Variants in GRIN2B observed in about 807,000 individuals in gnomAD.
The protein encoded by GRIN2B is glutamate receptor ionotropic, NMDA 2B.
Under a neutral mutation model 114.5 loss-of-function variants are expected in GRIN2B, and 5 were observed. The ratio of observed to expected loss-of-function variants is 0.04; its 90% CI spans 0.02 to 0.09. The LOEUF (loss-of-function observed/expected upper bound fraction) is 0.09. GRIN2B is among the 10% of genes least tolerant of loss of function. GRIN2B has a pLI of 1.00. For synonymous variants in GRIN2B, 787 were observed against 745.1 expected, an observed-to-expected ratio of 1.06 and a Z score of -0.92; for missense variants, 1,108 against 1,943.5, an observed-to-expected ratio of 0.57 and a Z score of 8.08.
chr12:13,736,618 A>G (rs1421087204), intron 4 of GRIN2B, among the ~76,000 whole-genome samples: 1 of 152,214 alleles, frequency 6.6e-6, no homozygotes, highest in African/African-American at 2.4e-5. Context: ...AAAGCCAGCT[A>G]AACACATAAT....
rs1948460125 is a variant in GRIN2B at position 13,554,911 on chromosome 12, G to A, written c.*7872C>T. 6.6e-6 allele frequency: 1 copy of A among 152,146 alleles called. No individual in the cohort carries two copies. The highest frequency in any genetic ancestry group is 1.5e-5 in the Non-Finnish European group (1 of 68,018). 9.4% of individuals were successfully genotyped at this position (152,146 alleles called of 1,614,324 possible). A position where few individuals can be genotyped will look rare whatever the true frequency, so the allele number is the denominator to read the frequency against. On this transcript the variant is annotated 3_prime_UTR_variant, in exon 14 of 14. Coordinates refer to ENST00000609686, the MANE Select transcript of GRIN2B (RefSeq NM_000834.5). The stretch of plus-strand genomic sequence containing the variant: ...AAGGAGGAAGTTGGTGATTATGTTG[G>A]TTTGCAGCAATGGTTTTGGATATTT...
At chr12:13,627,515 T>A (rs1565482076) in intron 5 of GRIN2B, among the ~76,000 whole-genome samples, 1 of 152,148 alleles carries the variant, frequency 6.6e-6, no homozygotes, top group Non-Finnish European at 1.5e-5. Flanking sequence ...GTAGTGACAT[T>A]TATCATCGCC....
chr12:13,664,005 T>C (rs1431322031), intron 5 of GRIN2B, among the ~76,000 whole-genome samples: 1 of 152,182 alleles, frequency 6.6e-6, no homozygotes, highest in African/African-American at 2.4e-5. Context: ...ATAATCCCCA[T>C]TTTACAGATG....
Position 13,888,156 on chromosome 12 carries a change from G to A in GRIN2B, c.-18-21930C>T, listed in dbSNP as rs747352837. Among the ~76,000 whole-genome samples, 39 of 152,106 alleles carry A rather than the reference G, an allele frequency of 2.6e-4. 1 individual carries two copies. The highest frequency in any genetic ancestry group is 5.9e-4 in the Admixed American group (9 of 15,266). On this transcript the variant is annotated intron_variant, in intron 2 of 13. Transcript: ENST00000609686. The stretch of plus-strand genomic sequence containing the variant: ...GTTTAACCCAAAAAAATCAATATAC[G>A]GCCATGTATTGCTTAACAACGGGGA...
At chr12:13,699,145 G>A (rs994849863) in intron 4 of GRIN2B, among the ~76,000 whole-genome samples, 7 of 152,158 alleles carry the variant, frequency 4.6e-5, no homozygotes, top group African/African-American at 1.7e-4. Flanking sequence ...AAATACTTAT[G>A]TTAGGATGGT....
chr12:13,835,646 C>A (rs769552798), intron 3 of GRIN2B, among the ~76,000 whole-genome samples: 1 of 151,800 alleles, frequency 6.6e-6, no homozygotes, highest in African/African-American at 2.4e-5. Context: ...CAGGAAGGCA[C>A]CCCCTTTAGC....
chr12:13,912,001 T>C (rs1428589696), intron 2 of GRIN2B, among the ~76,000 whole-genome samples: 2 of 152,068 alleles, frequency 1.3e-5, no homozygotes, highest in African/African-American at 4.8e-5. Flanking sequence ...AATGAGTGAC[T>C]AGTGCGCACA....
Position 13,547,981 on chromosome 12 carries a change from A to ATATATATTTTT in GRIN2B, c.*14801_*14802insAAAAATATATA. 3 of 68,592 alleles carry ATATATATTTTT rather than the reference A, an allele frequency of 4.4e-5. No individual in the cohort carries two copies. Among genetic ancestry groups the ATATATATTTTT allele is most frequent in the African/African-American group, 1.4e-4 (3 of 21,784 alleles). The allele number at this position is 68,592 out of a possible 1,614,324, so 4.2% of individuals were successfully genotyped here. On this transcript the variant is annotated 3_prime_UTR_variant, in exon 14 of 14. Coordinates refer to ENST00000609686, the MANE Select transcript of GRIN2B (RefSeq NM_000834.5). ...TGTGTATATATATATATATATATATATTTTTTTTTTTTTTCTGAAAGCTAC... is the reference window on the plus strand; with the variant it reads ...TGTGTATATATATATATATATATATATATATATTTTTTTTTTTTTTTTTTTCTGAAAGCTAC...
At chr12:13,724,415 A>C (rs1009843035) in intron 4 of GRIN2B, among the ~76,000 whole-genome samples, 2 of 152,196 alleles carry the variant, frequency 1.3e-5, no homozygotes, top group African/African-American at 4.8e-5. Flanking sequence ...ATTTATTGGC[A>C]CAGCAACACT....
chr12:13,632,488 C>A (rs1463189707), intron 5 of GRIN2B, among the ~76,000 whole-genome samples: 3 of 152,224 alleles, frequency 2.0e-5, no homozygotes, highest in African/African-American at 7.2e-5. Flanking sequence ...TGGGTTCCCC[C>A]ACTGCTTCCA....
intron 4 of GRIN2B, among the ~76,000 whole-genome samples, chr12:13,714,357 A>G (rs1950438675): frequency 6.6e-6 from 1 of 151,932 alleles, no homozygotes; most frequent in Admixed American, 6.6e-5. Flanking sequence ...CAGAGGCTTG[A>G]TATGGAGGAG....
chr12:13,582,126 C>A (rs1948861192), intron 10 of GRIN2B, among the ~76,000 whole-genome samples: 1 of 152,182 alleles, frequency 6.6e-6, no homozygotes, highest in Admixed American at 6.5e-5. Context: ...AAACATGGGG[C>A]CTGGAGTGGC....
At chr12:13,929,493 C>G (rs1285370193) in intron 2 of GRIN2B, among the ~76,000 whole-genome samples, 1 of 152,170 alleles carries the variant, frequency 6.6e-6, no homozygotes, top group African/African-American at 2.4e-5. Context: ...TTGGGAAAGG[C>G]AGGTCTTACG....
chr12:13,591,103 G>A (rs1949003353), intron 10 of GRIN2B, among the ~76,000 whole-genome samples: 2 of 152,136 alleles, frequency 1.3e-5, no homozygotes, highest in Admixed American at 1.3e-4. Flanking sequence ...TCTAAGCACT[G>A]CAACTCGCCT....
chr12:13,786,878 AG>A (rs1288065835), intron 3 of GRIN2B, among the ~76,000 whole-genome samples: 2 of 151,984 alleles, frequency 1.3e-5, no homozygotes, highest in African/African-American at 4.8e-5. Flanking sequence ...AGCAGGTAAA[AG>A]GGCCCGTTCA....
chr12:13,615,415 G>T lies in GRIN2B; in HGVS notation c.1500+78C>A. ...TTATATTTTCTGAAATGCATAAAGT[G>T]AGCACGTTTTAAACTTATATTTAGA... On this transcript the variant is annotated intron_variant, in intron 7 of 13. Coordinates refer to ENST00000609686, the MANE Select transcript of GRIN2B (RefSeq NM_000834.5). This position sits in a 1 kb window ranked among gnomAD's most constrained non-coding sequence, Gnocchi z 5.8. The T allele has an allele frequency of 1.4e-6, 2 of 1,455,878 alleles. No homozygotes were observed. Among genetic ancestry groups the T allele is most frequent in the South Asian group, 1.1e-5 (1 of 87,718 alleles). The allele number at this position is 1,455,878 out of a possible 1,614,324, so 90.2% of individuals were successfully genotyped here.
chr12:13,659,618 C>A (rs1201547621), intron 5 of GRIN2B, among the ~76,000 whole-genome samples: 1 of 152,072 alleles, frequency 6.6e-6, no homozygotes, highest in Non-Finnish European at 1.5e-5. Flanking sequence ...TACCTATCAC[C>A]TAGACAATTT....
chr12:13,759,360 A>G lies in GRIN2B; in HGVS notation c.412-5445T>C, dbSNP rs533530758. Among the ~76,000 whole-genome samples the G allele has an allele frequency of 1.1e-3, 167 of 152,308 alleles. 1 individual carries two copies. The highest frequency in any genetic ancestry group is 1.9e-3 in the Non-Finnish European group (126 of 68,030). On this transcript the variant is annotated intron_variant, in intron 3 of 13. Coordinates refer to ENST00000609686, the MANE Select transcript of GRIN2B (RefSeq NM_000834.5). Reference sequence around the variant, plus strand: ...CATATCTACCTCACAGAAATAAGGCATGCCTAAAAAGTTATACATAAACTG... The same window carrying G: ...CATATCTACCTCACAGAAATAAGGCGTGCCTAAAAAGTTATACATAAACTG...
At chr12:13,977,194 T>A (rs1863036321) in intron 2 of GRIN2B, among the ~76,000 whole-genome samples, 1 of 152,230 alleles carries the variant, frequency 6.6e-6, no homozygotes, top group Admixed American at 6.5e-5. Flanking sequence ...TTATTGATTC[T>A]CTCTGCCTGC....
Sources: allele counts gnomAD v4.1 joint callset (sites outside exome capture counted in the v4.1 genomes callset), GRCh38; gene constraint gnomAD v4.1.1; non-coding constraint Gnocchi (gnomAD v3.1); transcripts MANE v1.5; gene names NCBI Gene and HGNC (gene_info 2026-07-23, HGNC 2026-07-21).